TPO: variants seen among roughly 807,000 people sequenced by gnomAD.
TPO encodes the protein thyroid microsomal antigen.
TPO carries 78 observed loss-of-function variants against 96.9 expected under a neutral mutation model. The ratio of observed to expected loss-of-function variants is 0.81; its 90% CI spans 0.67 to 0.97. TPO has a LOEUF of 0.97. Among genes scored for constraint, TPO ranks in the 50% least tolerant of loss-of-function variants. The pLI is 0.00. For missense variants in TPO, 1,252 were observed against 1,274.8 expected, an observed-to-expected ratio of 0.98 and a Z score of 0.27; for synonymous variants, 547 against 538.0, an observed-to-expected ratio of 1.02 and a Z score of -0.23.
chr2:1,523,316 C>T (rs1461972097), intron 15 of TPO, among the ~76,000 whole-genome samples: 1 of 46,152 alleles, frequency 2.2e-5, no homozygotes, highest in African/African-American at 1.2e-4. Flanking sequence ...TGTGAGCAAC[C>T]TCCCCAAATC....
chr2:1,463,730 G>A (rs377267702), intron 7 of TPO, among the ~76,000 whole-genome samples: 12 of 152,118 alleles, frequency 7.9e-5, no homozygotes, highest in Non-Finnish European at 1.5e-4. Context: ...CAGGCAGCCC[G>A]ATGATGTTCC....
At chr2:1,387,537 C>T (rs1402504127) in intron 1 of TPO, among the ~76,000 whole-genome samples, 1 of 152,210 alleles carries the variant, frequency 6.6e-6, no homozygotes, top group Non-Finnish European at 1.5e-5. Context: ...TCACATAGTT[C>T]TTGTGCCTTG....
intron 1 of TPO, chr2:1,374,441 G>A (rs1400227303): frequency 6.6e-6 from 1 of 152,122 alleles, no homozygotes; most frequent in Non-Finnish European, 1.5e-5. Flanking sequence ...TTTACTGAAC[G>A]GGCTGAATTT....
At chr2:1,541,292 G>T in intron 16 of TPO, 2 of 761,802 alleles carry the variant, frequency 2.6e-6, no homozygotes, top group Non-Finnish European at 3.3e-6. Context: ...GGCGCCTCAG[G>T]TCTGCTGCAC....
At chr2:1,408,060 G>A (rs1304316268) in intron 1 of TPO, among the ~76,000 whole-genome samples, 1 of 152,222 alleles carries the variant, frequency 6.6e-6, no homozygotes, top group Non-Finnish European at 1.5e-5. Context: ...TAGAGCAGCT[G>A]AAAGGGACTT....
At chr2:1,539,035 G>C (rs184513983) in intron 15 of TPO, among the ~76,000 whole-genome samples, 6 of 152,000 alleles carry the variant, frequency 3.9e-5, no homozygotes. Flanking sequence ...TGGATTCCAG[G>C]TTCCACCCTA....
Position 1,433,605 on chromosome 2 carries a change from C to A in TPO, c.347C>A (p.Thr116Lys), listed in dbSNP as rs751244187. ...AAAACTCAACAATCACAGCATCCAA[C>A]GGGTAATGTGTGCCCCTCTCCCCAC... ...NLKTQQSQHPTDALSEDLLSI... is the reference protein window; with the variant it reads ...NLKTQQSQHPKDALSEDLLSI... Residue 116 changes from threonine (T) to lysine (K), a missense_variant and splice_region_variant, in exon 4 of 17, where the codon ACG becomes AAG. By Grantham distance (78) the Thr-to-Lys change is moderately conservative (BLOSUM62 -1). Coordinates refer to ENST00000329066, the MANE Select transcript of TPO (RefSeq NM_001206744.2). 6.2e-7 allele frequency: 1 copy of A among 1,613,532 alleles called. No individual in the cohort carries two copies. Among genetic ancestry groups the A allele is most frequent in the South Asian group, 1.1e-5 (1 of 90,992 alleles).
chr2:1,462,828 A>G (rs1301675419), intron 7 of TPO, among the ~76,000 whole-genome samples: 1 of 152,216 alleles, frequency 6.6e-6, no homozygotes, highest in Non-Finnish European at 1.5e-5. Context: ...GATTGTTTAT[A>G]TCACCAAAAT....
chr2:1,503,809 G>A (rs775590242), intron 13 of TPO, 139 bp from the exon 14 acceptor site: 21 of 1,513,820 alleles, frequency 1.4e-5, no homozygotes, highest in African/African-American at 5.5e-5. Context: ...GGGGGCGGCC[G>A]GTTCCCCCTA....
upstream of TPO, among the ~76,000 whole-genome samples, chr2:1,409,091 C>T (rs971237268): frequency 1.3e-5 from 2 of 151,770 alleles, no homozygotes; most frequent in Non-Finnish European, 1.5e-5. Context: ...GGACAGACTG[C>T]GGTCCCCAGA....
chr2:1,488,373 G>A (rs1481257825), intron 10 of TPO, among the ~76,000 whole-genome samples: 4 of 152,152 alleles, frequency 2.6e-5, no homozygotes, highest in South Asian at 2.1e-4. Flanking sequence ...AGGTCCCAGA[G>A]CCTGCAAAGA....
chr2:1,509,713 C>T (rs1045183675), intron 14 of TPO, among the ~76,000 whole-genome samples: 4 of 40,996 alleles, frequency 9.8e-5, no homozygotes, highest in African/African-American at 5.0e-4. Flanking sequence ...CCCCCTTCTT[C>T]TGTCAGGCAC....
chr2:1,415,916 G>A (rs539781890), intron 2 of TPO, among the ~76,000 whole-genome samples: 6 of 152,136 alleles, frequency 3.9e-5, no homozygotes, highest in East Asian at 1.9e-4. Context: ...TAACAGACTC[G>A]TAGGCTCCTT....
At chr2:1,525,398 T>A in intron 15 of TPO, among the ~76,000 whole-genome samples, 1 of 111,470 alleles carries the variant, frequency 9.0e-6, no homozygotes, top group African/African-American at 3.6e-5. Flanking sequence ...CCCCAATGTG[T>A]GCAACTTCCT....
chr2:1,500,381 C>T lies in TPO; in HGVS notation c.2387-3567C>T, dbSNP rs142276688. On this transcript the variant is annotated intron_variant, in intron 13 of 16. Transcript: ENST00000329066. ...AAAACTCCAAAATCTGGTACAAATG[C>T]GTGTGCACAGATATTTTTACTACAG... Among the ~76,000 whole-genome samples the T allele has an allele frequency of 2.4e-3, 366 of 152,162 alleles. 1 individual carries two copies. The highest frequency in any genetic ancestry group is 8.1e-3 in the African/African-American group (334 of 41,486).
At chr2:1,539,924 G>A (rs1205064364) in intron 15 of TPO, among the ~76,000 whole-genome samples, 1 of 152,146 alleles carries the variant, frequency 6.6e-6, no homozygotes, top group African/African-American at 2.4e-5. Flanking sequence ...CAAACAGCTG[G>A]AAAATATAGT....
rs34064729 is a variant in TPO, at chr2:1,472,827, C to CAAAAAAA, written c.820-4241_820-4235dup. Among the ~76,000 whole-genome samples, 236 of 48,302 alleles carry CAAAAAAA rather than the reference C, an allele frequency of 4.9e-3. 34 individuals carry two copies. Among genetic ancestry groups the CAAAAAAA allele is most frequent in the East Asian group, 0.02 (26 of 1,330 alleles). The allele number at this position is 48,302 out of a possible 152,430, so 31.7% of individuals were successfully genotyped here. On this transcript the variant is annotated intron_variant, in intron 7 of 16. Coordinates refer to ENST00000329066, the MANE Select transcript of TPO (RefSeq NM_001206744.2). ...TCATTTTTTTCTGCTTGTTTGGCGGCAAAAAAAAAAAAAAAAAAAAAAAAG... is the reference window on the plus strand; with the variant it reads ...TCATTTTTTTCTGCTTGTTTGGCGGCAAAAAAAAAAAAAAAAAAAAAAAAAAAAAAAG...
At chr2:1,501,577 T>A (rs915051787) in intron 13 of TPO, among the ~76,000 whole-genome samples, 7 of 152,206 alleles carry the variant, frequency 4.6e-5, no homozygotes, top group Admixed American at 4.6e-4. Context: ...CCTCTGCATG[T>A]GGCCTGATGA....
At chr2:1,430,264 A>G (rs1664843420) in intron 3 of TPO, among the ~76,000 whole-genome samples, 2 of 152,172 alleles carry the variant, frequency 1.3e-5, no homozygotes, top group Admixed American at 1.3e-4. Context: ...GGTACTACTC[A>G]AGCCACAGCT....
Sources: allele counts gnomAD v4.1 joint callset (sites outside exome capture counted in the v4.1 genomes callset), GRCh38; gene constraint gnomAD v4.1.1; transcripts MANE v1.5; gene names NCBI Gene and HGNC (gene_info 2026-07-23, HGNC 2026-07-21).